The following KCNIP1 variants were observed in gnomAD, a reference collection of about 807,000 sequenced individuals.
The protein encoded by KCNIP1 is potassium voltage-gated channel interacting protein 1, also known as A-type potassium channel modulatory protein KCNIP1.
Under a neutral mutation model 33.0 loss-of-function variants are expected in KCNIP1, and 18 were observed. The ratio of observed to expected loss-of-function variants is 0.55; its 90% CI spans 0.38 to 0.81. The LOEUF is 0.81. Among genes scored for constraint, KCNIP1 ranks in the 30% least tolerant of loss-of-function variants. KCNIP1 has a pLI of 0.00. For missense variants in KCNIP1, 238 were observed against 271.6 expected, an observed-to-expected ratio of 0.88 and a Z score of 0.87; for synonymous variants, 93 against 98.3, an observed-to-expected ratio of 0.95 and a Z score of 0.32.
intron 1 of KCNIP1, among the ~76,000 whole-genome samples, chr5:170,520,221 T>C (rs1755311721): frequency 1.3e-5 from 2 of 152,202 alleles, no homozygotes; most frequent in South Asian, 4.1e-4. Context: ...CAGATGCTGT[T>C]ATTGTCTCAG....
intron 1 of KCNIP1, among the ~76,000 whole-genome samples, chr5:170,485,366 C>T (rs1376075108): frequency 1.3e-5 from 2 of 152,204 alleles, no homozygotes; most frequent in African/African-American, 2.4e-5. Context: ...TTGCTCCTTC[C>T]TTCACCACAC....
At chr5:170,532,715 C>A (rs1056930093) in intron 1 of KCNIP1, among the ~76,000 whole-genome samples, 1 of 152,146 alleles carries the variant, frequency 6.6e-6, no homozygotes, top group Non-Finnish European at 1.5e-5. Context: ...ACCTGCCCCC[C>A]ATGCCACCAG....
At chr5:170,521,046 A>G (rs1360444812) in intron 1 of KCNIP1, among the ~76,000 whole-genome samples, 1 of 152,182 alleles carries the variant, frequency 6.6e-6, no homozygotes, top group Non-Finnish European at 1.5e-5. Context: ...TTGAGAATTA[A>G]CGTTTGGGTT....
rs187775833 is a variant in KCNIP1 at position 170,461,526 on chromosome 5, G to A, written c.88+107562G>A. ...AGCACTTTGGGAGACCGAGGCAGGC[G>A]GATCACAAAGTCAGGAGATTGAGAC... On this transcript the variant is annotated intron_variant, in intron 1 of 7. Coordinates refer to the KCNIP1 transcript ENST00000377360. 3.7e-3 allele frequency among the ~76,000 whole-genome samples: 558 copies of A among 152,146 alleles called. 2 individuals are homozygous for A. The highest frequency in any genetic ancestry group is 6.6e-3 in the African/African-American group (274 of 41,512).
chr5:170,395,907 G>T (rs910601624), intron 1 of KCNIP1, among the ~76,000 whole-genome samples: 4 of 152,212 alleles, frequency 2.6e-5, no homozygotes, highest in African/African-American at 9.7e-5. Flanking sequence ...TGCAGCAAAG[G>T]TAGACTCCTG....
At chr5:170,712,621 A>G (rs1763491625) in intron 1 of KCNIP1, among the ~76,000 whole-genome samples, 1 of 152,214 alleles carries the variant, frequency 6.6e-6, no homozygotes, top group South Asian at 2.1e-4. Flanking sequence ...GGCATGTTCA[A>G]TGAGCCCCTG....
chr5:170,422,254 A>G (rs1048834139), intron 1 of KCNIP1: 1 of 152,212 alleles, frequency 6.6e-6, no homozygotes, highest in Non-Finnish European at 1.5e-5. Context: ...GCAATGAGAA[A>G]GGAACTTGGT....
At chr5:170,616,636 T>C (rs1759384047) in intron 1 of KCNIP1, among the ~76,000 whole-genome samples, 1 of 152,092 alleles carries the variant, frequency 6.6e-6, no homozygotes, top group South Asian at 2.1e-4. Flanking sequence ...GAGGTGGGGT[T>C]CCATGCTCTC....
At chr5:170,426,544 T>C (rs1755619215) in intron 1 of KCNIP1, among the ~76,000 whole-genome samples, 1 of 152,208 alleles carries the variant, frequency 6.6e-6, no homozygotes, top group Non-Finnish European at 1.5e-5. Flanking sequence ...TAGTTGCCAC[T>C]GGGACTCAGT....
At chr5:170,587,014 A>T (rs1482202358) in intron 1 of KCNIP1, among the ~76,000 whole-genome samples, 1 of 152,230 alleles carries the variant, frequency 6.6e-6, no homozygotes, top group African/African-American at 2.4e-5. Flanking sequence ...TAAAGGTGCC[A>T]GCCCCAAAAA....
intron 1 of KCNIP1, chr5:170,377,574 G>A (rs554647080): frequency 7.4e-6 from 1 of 134,972 alleles, no homozygotes; most frequent in East Asian, 2.2e-4. Flanking sequence ...TTCATTTTTT[G>A]TTTTTTGTTT....
intron 1 of KCNIP1, among the ~76,000 whole-genome samples, chr5:170,662,712 T>C (rs571112514): frequency 2.1e-4 from 32 of 152,228 alleles, no homozygotes; most frequent in Non-Finnish European, 3.7e-4. Flanking sequence ...CGCCTGGTTC[T>C]AGAGAGAGTG....
At chr5:170,413,928 T>TAA (rs3051750) in intron 1 of KCNIP1, among the ~76,000 whole-genome samples, 2 of 138,312 alleles carry the variant, frequency 1.4e-5, no homozygotes, top group Admixed American at 7.1e-5. Flanking sequence ...GAGTGGAAGT[T>TAA]AAAAAAAAAA....
At chr5:170,552,550 T>A (rs937039094) in intron 1 of KCNIP1, among the ~76,000 whole-genome samples, 11 of 152,174 alleles carry the variant, frequency 7.2e-5, no homozygotes, top group Middle Eastern at 3.4e-3. Flanking sequence ...TGTTCGGGCT[T>A]CCATAACAGG....
intron 1 of KCNIP1, among the ~76,000 whole-genome samples, chr5:170,692,741 ATCTT>A (rs1762761912): frequency 6.6e-6 from 1 of 152,186 alleles, no homozygotes; most frequent in Admixed American, 6.5e-5. Context: ...TCTTCTATAT[ATCTT>A]CTCTTTCTGA....
At position 170,674,509 on chromosome 5, in the gene KCNIP1, C is replaced by G. The variant is rs188488916; in HGVS notation, c.62-44249C>G. On this transcript the variant is annotated intron_variant, in intron 1 of 7. Coordinates refer to ENST00000328939, the MANE Select transcript of KCNIP1 (RefSeq NM_014592.4). ...CTCCCTGCCGGGAGGCATCGACTCC[C>G]GTTCTCCAGCCTGTTTTAAGCAGAC... Among the ~76,000 whole-genome samples, 69 of 152,218 alleles carry G rather than the reference C, an allele frequency of 4.5e-4. No individual in the cohort carries two copies. The East Asian group carries it at 0.011, about 24-fold the overall frequency.
intron 1 of KCNIP1, among the ~76,000 whole-genome samples, chr5:170,622,586 C>T (rs1338588635): frequency 2.7e-5 from 4 of 147,894 alleles, no homozygotes; most frequent in African/African-American, 1.0e-4. Flanking sequence ...CGCGCCACTG[C>T]ACTCCAGCCT....
chr5:170,629,367 T>A (rs959035335), intron 1 of KCNIP1, among the ~76,000 whole-genome samples: 4 of 152,146 alleles, frequency 2.6e-5, no homozygotes, highest in South Asian at 2.1e-4. Context: ...AGACAGCAAC[T>A]CAGCAGGCCA....
chr5:170,644,873 G>A (rs770690748), intron 1 of KCNIP1, among the ~76,000 whole-genome samples: 6 of 152,204 alleles, frequency 3.9e-5, no homozygotes, highest in Non-Finnish European at 5.9e-5. Context: ...GAGAATCCCT[G>A]GGCCCCAACA....
Sources: allele counts gnomAD v4.1 joint callset (sites outside exome capture counted in the v4.1 genomes callset), GRCh38; gene constraint gnomAD v4.1.1; transcripts MANE v1.5; gene names NCBI Gene and HGNC (gene_info 2026-07-23, HGNC 2026-07-21).